The following MICU1 variants were observed in gnomAD, a reference collection of about 807,000 sequenced individuals.
MICU1 encodes calcium uptake protein 1, mitochondrial.
A neutral mutation model predicts 56.8 loss-of-function variants in MICU1; 45 were observed. The observed-to-expected ratio is 0.79, with a 90% confidence interval of 0.62 to 1.02. MICU1 has a LOEUF of 1.02. MICU1 is among the 50% of genes least tolerant of loss of function. The pLI is 0.00. For missense variants in MICU1, 504 were observed against 587.1 expected (o/e 0.86, Z 1.46); for synonymous variants, 186 against 195.1 (o/e 0.95, Z 0.39).
At chr10:72,377,028 GTCCCTCC>G (rs1004099936) in intron 10 of MICU1, among the ~76,000 whole-genome samples, 1 of 152,082 alleles carries the variant, frequency 6.6e-6, no homozygotes, top group African/African-American at 2.4e-5. Flanking sequence ...GCCCAACTCT[GTCCCTCC>G]TCCCTACTGG....
intron 1 of MICU1, among the ~76,000 whole-genome samples, chr10:72,624,454 G>A (rs1358502558): frequency 6.6e-6 from 1 of 152,108 alleles, no homozygotes; most frequent in East Asian, 1.9e-4. Flanking sequence ...CTGGGATTAT[G>A]GGCCTGAGAC....
intron 5 of MICU1, among the ~76,000 whole-genome samples, chr10:72,520,564 T>C (rs1324168554): frequency 3.9e-5 from 6 of 152,134 alleles, no homozygotes; most frequent in African/African-American, 1.4e-4. Flanking sequence ...GGTGAATGCT[T>C]AAGATACTGT....
At chr10:72,622,535 T>C (rs902021647) in intron 1 of MICU1, among the ~76,000 whole-genome samples, 3 of 152,192 alleles carry the variant, frequency 2.0e-5, no homozygotes, top group African/African-American at 7.2e-5. Context: ...GCGCTGGAAC[T>C]GTAGAGAAAG....
At chr10:72,552,100 A>G (rs577351375) in intron 3 of MICU1, among the ~76,000 whole-genome samples, 10 of 152,364 alleles carry the variant, frequency 6.6e-5, no homozygotes, top group Middle Eastern at 6.8e-3. Flanking sequence ...AAAATTACGT[A>G]TCATGGAAAC....
chr10:72,421,016 A>T (rs192836956), intron 9 of MICU1, among the ~76,000 whole-genome samples: 2,795 of 124,026 alleles, frequency 0.023, 50 homozygotes, highest in South Asian at 0.069. Context: ...AAAAAAAAAA[A>T]AATAATAATA....
intron 10 of MICU1, among the ~76,000 whole-genome samples, chr10:72,377,919 G>T (rs1862577445): frequency 6.6e-6 from 1 of 152,044 alleles, no homozygotes; most frequent in Non-Finnish European, 1.5e-5. Context: ...ACCCGATACG[G>T]TTTAGATTTG....
chr10:72,606,894 T>C (rs1841705516), intron 1 of MICU1, among the ~76,000 whole-genome samples: 1 of 152,162 alleles, frequency 6.6e-6, no homozygotes, highest in Admixed American at 6.6e-5. Context: ...GCCTACATAA[T>C]GAAGTCTCCA....
At chr10:72,557,884 T>C (rs777666684) in intron 3 of MICU1, among the ~76,000 whole-genome samples, 4 of 152,232 alleles carry the variant, frequency 2.6e-5, no homozygotes, top group African/African-American at 4.8e-5. Context: ...AGCAGACTAC[T>C]TTCTTTCGCA....
At chr10:72,405,999 A>T (rs1863617164) in intron 10 of MICU1, among the ~76,000 whole-genome samples, 1 of 152,086 alleles carries the variant, frequency 6.6e-6, no homozygotes, top group Non-Finnish European at 1.5e-5. Context: ...AGTGCAATAA[A>T]GCAAGAAAAA....
At chr10:72,378,188 G>A (rs1027635464) in intron 10 of MICU1, among the ~76,000 whole-genome samples, 2 of 152,190 alleles carry the variant, frequency 1.3e-5, no homozygotes, top group African/African-American at 2.4e-5. Flanking sequence ...GGGAGGCGGA[G>A]GTTGCAGTGA....
intron 6 of MICU1, among the ~76,000 whole-genome samples, chr10:72,484,796 T>C (rs1038237622): frequency 2.6e-5 from 4 of 152,206 alleles, no homozygotes; most frequent in Non-Finnish European, 5.9e-5. Flanking sequence ...GAAGTCATCA[T>C]TTACCTACAT....
intron 7 of MICU1, 137 bp from the exon 8 acceptor site, chr10:72,475,434 ATTT>A: frequency 1.6e-6 from 1 of 614,954 alleles, no homozygotes; most frequent in Non-Finnish European, 2.5e-6. Context: ...GCTTACAACA[ATTT>A]TTTTTTTTTG....
chr10:72,611,837 G>A (rs1313476575), intron 1 of MICU1, among the ~76,000 whole-genome samples: 5 of 151,908 alleles, frequency 3.3e-5, no homozygotes, highest in East Asian at 1.9e-4. Flanking sequence ...CTGTCACAAC[G>A]CTATCTGGGC....
At chr10:72,423,439 A>C in intron 8 of MICU1, 68 bp from the exon 9 acceptor site, 1 of 1,539,452 alleles carries the variant, frequency 6.5e-7, no homozygotes, top group Non-Finnish European at 8.8e-7. Context: ...ACACGGAATG[A>C]TCAGCTGTGT....
chr10:72,515,388 T>C (rs1867616746), intron 5 of MICU1, among the ~76,000 whole-genome samples: 1 of 152,196 alleles, frequency 6.6e-6, no homozygotes. Flanking sequence ...ATTTTTTCTC[T>C]CTTTGTACTT....
chr10:72,407,941 A>C lies in MICU1; in HGVS notation c.1168T>G (p.Ser390Ala), dbSNP rs769826781. 6.2e-7 allele frequency: 1 copy of C among 1,611,646 alleles called. No individual in the cohort carries two copies. The highest frequency in any genetic ancestry group is 8.5e-7 in the Non-Finnish European group (1 of 1,178,296). Reference sequence around the variant, plus strand: ...TGAGTTTCATTACCTTTATCAAGAGATGCTCCAGCCATATGGTAAAAACTC... The same window carrying C: ...TGAGTTTCATTACCTTTATCAAGAGCTGCTCCAGCCATATGGTAAAAACTC... ...ALSFYHMAGA[S>A]LDKVTMQQVA... Residue 390 changes from serine to alanine, a missense_variant, in exon 10 of 12, where the codon TCT (serine) becomes GCT (alanine). Ser to Ala is a moderately conservative substitution (Grantham distance 99). Transcript: ENST00000361114.
At chr10:72,485,817 T>A (rs1866451914) in intron 6 of MICU1, among the ~76,000 whole-genome samples, 2 of 151,828 alleles carry the variant, frequency 1.3e-5, no homozygotes, top group African/African-American at 4.8e-5. Context: ...GAAGTTAAAA[T>A]TTTCAACTTC....
intron 8 of MICU1, among the ~76,000 whole-genome samples, chr10:72,456,814 A>T (rs1865471937): frequency 6.7e-6 from 1 of 150,140 alleles, no homozygotes; most frequent in Non-Finnish European, 1.5e-5. Flanking sequence ...CCAGCTTCCC[A>T]AGTAGCTGGG....
At chr10:72,500,280 A>T (rs1326331103) in intron 6 of MICU1, among the ~76,000 whole-genome samples, 3 of 23,474 alleles carry the variant, frequency 1.3e-4, no homozygotes, top group African/African-American at 4.1e-4. Flanking sequence ...ATATATATAT[A>T]TATATATATA....
Sources: allele counts gnomAD v4.1 joint callset (sites outside exome capture counted in the v4.1 genomes callset), GRCh38; gene constraint gnomAD v4.1.1; transcripts MANE v1.5; gene names NCBI Gene and HGNC (gene_info 2026-07-23, HGNC 2026-07-21).